DCC: variants seen among roughly 807,000 people sequenced by gnomAD.
The protein encoded by DCC is netrin receptor DCC.
A neutral mutation model predicts 172.5 loss-of-function variants in DCC; 58 were observed. The observed-to-expected ratio is 0.34, with a 90% CI of 0.27 to 0.42. The LOEUF is 0.42. Among genes scored for constraint, DCC ranks in the 10% least tolerant of loss-of-function variants. DCC has a pLI of 1.00. For missense variants in DCC, 1,740 were observed against 1,791.0 expected (o/e 0.97, Z 0.51); for synonymous variants, 709 against 644.5 (o/e 1.10, Z -1.52).
chr18:52,411,876 A>G (rs961837872), intron 1 of DCC, among the ~76,000 whole-genome samples: 1 of 152,180 alleles, frequency 6.6e-6, no homozygotes, highest in African/African-American at 2.4e-5. Context: ...TCAAGCCACA[A>G]GCAATTCATC....
At chr18:52,555,473 A>G (rs997897647) in intron 1 of DCC, among the ~76,000 whole-genome samples, 4 of 152,074 alleles carry the variant, frequency 2.6e-5, no homozygotes, top group Non-Finnish European at 5.9e-5. Flanking sequence ...AGCAATGTAC[A>G]TTTTTTTCTT....
rs186925186 is a variant in DCC at position 53,523,432 on chromosome 18, C to A, written c.4112-3185C>A. ...TTACTGGATTCAAAGGATTATAAAT[C>A]ATTCTACTATAAAGACACAAGCACA... On this transcript the variant is annotated intron_variant, in intron 27 of 28. Transcript: ENST00000442544. Among the ~76,000 whole-genome samples the A allele has an allele frequency of 2.5e-3, 373 of 152,232 alleles. 3 individuals carry two copies. Among genetic ancestry groups the A allele is most frequent in the Middle Eastern group, 3.4e-3 (1 of 294 alleles).
At chr18:53,362,349 G>A (rs748953856) in intron 15 of DCC, among the ~76,000 whole-genome samples, 2 of 152,160 alleles carry the variant, frequency 1.3e-5, no homozygotes, top group Non-Finnish European at 2.9e-5. Flanking sequence ...AGAGTTATGT[G>A]TCCATTTTTT....
intron 7 of DCC, among the ~76,000 whole-genome samples, chr18:53,128,870 C>CACACATATATATATATATAT (rs1300738812): frequency 1.3e-5 from 1 of 77,476 alleles, no homozygotes; most frequent in Non-Finnish European, 2.3e-5. Context: ...CACACACACA[C>CACACATATATATATATATAT]ATATATATAT....
At chr18:53,251,704 C>T (rs1423895061) in intron 12 of DCC, among the ~76,000 whole-genome samples, 1 of 151,736 alleles carries the variant, frequency 6.6e-6, no homozygotes, top group East Asian at 1.9e-4. Flanking sequence ...GACACTGTAC[C>T]ACATAGGTAT....
intron 7 of DCC, among the ~76,000 whole-genome samples, chr18:53,097,597 A>G (rs2043105343): frequency 6.6e-6 from 1 of 152,160 alleles, no homozygotes; most frequent in Non-Finnish European, 1.5e-5. Context: ...TCTGGTCTTT[A>G]TTATAATGCT....
chr18:52,396,738 A>G (rs1986245383), intron 1 of DCC, among the ~76,000 whole-genome samples: 1 of 152,100 alleles, frequency 6.6e-6, no homozygotes, highest in African/African-American at 2.4e-5. Flanking sequence ...GTAAATTTTC[A>G]TTTAAAATCA....
At chr18:53,493,791 T>C (rs1378780776) in intron 26 of DCC, among the ~76,000 whole-genome samples, 1 of 152,202 alleles carries the variant, frequency 6.6e-6, no homozygotes, top group African/African-American at 2.4e-5. Context: ...TAGTTATTTC[T>C]TGTCTTCTGC....
At chr18:53,436,157 T>G (rs1193639291) in intron 22 of DCC, among the ~76,000 whole-genome samples, 1 of 152,230 alleles carries the variant, frequency 6.6e-6, no homozygotes, top group Non-Finnish European at 1.5e-5. Context: ...TTACTACGTA[T>G]GTATACGTAT....
At chr18:53,404,221 C>T (rs1909505780) in intron 19 of DCC, among the ~76,000 whole-genome samples, 1 of 151,856 alleles carries the variant, frequency 6.6e-6, no homozygotes, top group African/African-American at 2.4e-5. Context: ...GAGAAAAAAA[C>T]AGAAAGCTGT....
In DCC at chr18:52,512,036, G is replaced by T. The variant is rs959835341; in HGVS notation, c.91+171158G>T. Among the ~76,000 whole-genome samples, 11 of 152,256 alleles carry T rather than the reference G, an allele frequency of 7.2e-5. No homozygotes were observed. In the South Asian group the frequency reaches 2.3e-3, roughly 32 times the overall value. ...ACAAAGACAGCTCCCATTTGACAAT[G>T]CTGGCCATTAAGCAGGATACAAGAA... is the stretch of plus-strand genomic sequence containing the variant. On this transcript the variant is annotated intron_variant, in intron 1 of 28. Transcript: ENST00000442544.
intron 11 of DCC, among the ~76,000 whole-genome samples, 157 bp downstream of exon 11, chr18:53,207,974 A>G (rs1377500910): frequency 1.3e-5 from 2 of 152,080 alleles, no homozygotes; most frequent in Admixed American, 1.3e-4. Context: ...ATCAAGATAC[A>G]TACTCCCAGC....
chr18:53,201,333 A>C (rs2055533571), intron 9 of DCC, among the ~76,000 whole-genome samples: 1 of 152,176 alleles, frequency 6.6e-6, no homozygotes, highest in Admixed American at 6.5e-5. Context: ...ACAAGAGAGC[A>C]AGAAGGAACA....
Position 53,413,432 on chromosome 18 carries a change from T to G in DCC, c.3131-2692T>G, listed in dbSNP as rs184184620. On this transcript the variant is annotated intron_variant, in intron 20 of 28. Coordinates refer to ENST00000442544, the MANE Select transcript of DCC (RefSeq NM_005215.4). ...ATAGAAAAAAATCAAGGCACAAATG[T>G]AAGCCATTTTTGTCTCTAATAAAAG... Among the ~76,000 whole-genome samples the G allele has an allele frequency of 1.2e-4, 19 of 152,346 alleles. No homozygotes were observed. In the East Asian group the frequency reaches 3.7e-3, roughly 29 times the overall value.
At chr18:52,915,772 A>AG (rs2040030825) in intron 3 of DCC, among the ~76,000 whole-genome samples, 3 of 152,148 alleles carry the variant, frequency 2.0e-5, no homozygotes, top group Admixed American at 2.0e-4. Context: ...GGACTGAAAG[A>AG]GGGAAAAAGA....
intron 2 of DCC, among the ~76,000 whole-genome samples, chr18:52,766,562 G>T (rs528422794): frequency 1.3e-5 from 2 of 152,150 alleles, no homozygotes; most frequent in East Asian, 1.9e-4. Context: ...AGTACAGTGT[G>T]GGGGAAGGGT....
intron 25 of DCC, among the ~76,000 whole-genome samples, chr18:53,481,373 A>G (rs940447417): frequency 6.6e-6 from 1 of 152,160 alleles, no homozygotes; most frequent in Admixed American, 6.6e-5. Context: ...ATTAAGAATA[A>G]CTGCAAAGCA....
chr18:53,297,223 ACAC>A (rs1416241598), intron 12 of DCC, among the ~76,000 whole-genome samples: 4 of 152,216 alleles, frequency 2.6e-5, no homozygotes, highest in Non-Finnish European at 5.9e-5. Flanking sequence ...GAAAAGGCTA[ACAC>A]CACATCATTG....
chr18:52,830,434 G>C (rs1197152310), intron 2 of DCC, among the ~76,000 whole-genome samples: 1 of 152,136 alleles, frequency 6.6e-6, no homozygotes, highest in Non-Finnish European at 1.5e-5. Context: ...TTTTCACTCA[G>C]AGTGAGGAAA....
Sources: gnomAD v4.1 joint callset for allele counts (sites outside exome capture counted in the v4.1 genomes callset) on GRCh38, gnomAD v4.1.1 for gene constraint, MANE v1.5 for transcripts, NCBI Gene and HGNC (gene_info 2026-07-23, HGNC 2026-07-21) for gene names.